The following ENO4 variants were observed in gnomAD, a reference collection of about 807,000 sequenced individuals.
ENO4 encodes the protein 2-phospho-D-glycerate hydro-lyase.
In ENO4, 53 loss-of-function variants were observed where a neutral mutation model predicts 63.2. That is an observed-to-expected ratio of 0.84 (90% CI 0.67 to 1.05). The LOEUF is 1.05. ENO4 is among the 50% of genes least tolerant of loss of function. The pLI is 0.00. For synonymous variants in ENO4, 266 were observed against 283.8 expected (o/e 0.94, Z 0.63); for missense variants, 719 against 772.0 (o/e 0.93, Z 0.81).
intron 10 of ENO4, among the ~76,000 whole-genome samples, chr10:116,903,303 C>T (rs556373685): frequency 2.6e-5 from 4 of 152,272 alleles, no homozygotes; most frequent in South Asian, 2.1e-4. Context: ...GAGGCCGAGG[C>T]AGGCGGATCG....
intron 9 of ENO4, among the ~76,000 whole-genome samples, chr10:116,872,244 T>C (rs933256433): frequency 6.6e-6 from 1 of 152,178 alleles, no homozygotes; most frequent in Non-Finnish European, 1.5e-5. Flanking sequence ...CTCAGGGTAA[T>C]ACAACGGCAA....
At chr10:116,871,973 G>A (rs1846706757) in intron 9 of ENO4, among the ~76,000 whole-genome samples, 2 of 152,196 alleles carry the variant, frequency 1.3e-5, no homozygotes, top group South Asian at 4.1e-4. Context: ...GAGGTGGGTG[G>A]ATCACCTGAG....
chr10:116,867,147 TAG>T (rs1384338662), intron 7 of ENO4, among the ~76,000 whole-genome samples: 4 of 152,118 alleles, frequency 2.6e-5, no homozygotes, highest in East Asian at 3.9e-4. Flanking sequence ...GTTTTAGTAA[TAG>T]AGTGATAGTT....
intron 10 of ENO4, among the ~76,000 whole-genome samples, chr10:116,908,946 A>G (rs1377092374): frequency 1.3e-5 from 2 of 152,182 alleles, no homozygotes; most frequent in African/African-American, 2.4e-5. Flanking sequence ...TACAAGGGCA[A>G]TTGTGGAGGA....
Position 116,881,893 on chromosome 10 carries a change from T to C in ENO4, c.*224T>C, listed in dbSNP as rs567338595. On this transcript the variant is annotated 3_prime_UTR_variant, in exon 14 of 14. Transcript: ENST00000341276. ...CACCACACTTCCATGTGGATTTTGT[T>C]TGTCTATTAGCTCTCCTGTCCATTT... The C allele has an allele frequency of 2.8e-5, 11 of 393,486 alleles. No individual in the cohort carries two copies. Among genetic ancestry groups the C allele is most frequent in the South Asian group, 1.0e-4 (1 of 9,714 alleles). 24.4% of individuals were successfully genotyped at this position (393,486 alleles called of 1,614,324 possible).
At chr10:116,886,613 A>G, downstream of ENO4, 1 of 1,606,664 alleles carries the variant, frequency 6.2e-7, no homozygotes, top group East Asian at 2.2e-5. Context: ...CAGAGAGAGA[A>G]AATAGTTGTC....
chr10:116,893,352 C>T (rs1847399710), intron 10 of ENO4, among the ~76,000 whole-genome samples: 2 of 152,198 alleles, frequency 1.3e-5, no homozygotes, highest in East Asian at 1.9e-4. Flanking sequence ...TTTGTAGCAG[C>T]GCTTTGCTGA....
In ENO4 at chr10:116,853,488, C is replaced by T. The variant is rs188303875; in HGVS notation, c.166-2135C>T. Reference sequence around the variant, plus strand: ...TGTCACTGACATTTATTAATTTATACGAGATTTAATTTATAGAATCCTATA... The same window carrying T: ...TGTCACTGACATTTATTAATTTATATGAGATTTAATTTATAGAATCCTATA... On this transcript the variant is annotated intron_variant, in intron 1 of 13. Coordinates refer to ENST00000341276, the MANE Select transcript of ENO4 (RefSeq NM_001242699.2). Among the ~76,000 whole-genome samples the T allele has an allele frequency of 4.1e-4, 63 of 152,080 alleles. 1 individual carries two copies. Among genetic ancestry groups the T allele is most frequent in the Admixed American group, 3.7e-3 (56 of 15,260 alleles).
At chr10:116,893,597 C>CACACACACACACACACACACACACAT (rs3981216) in intron 10 of ENO4, among the ~76,000 whole-genome samples, 1 of 151,342 alleles carries the variant, frequency 6.6e-6, no homozygotes, top group African/African-American at 2.4e-5. Context: ...CACACACACA[C>CACACACACACACACACACACACACAT]GAGAAAGAAA....
chr10:116,868,780 T>A (rs1846612194), intron 8 of ENO4, 74 bp downstream of exon 8: 5 of 1,352,602 alleles, frequency 3.7e-6, no homozygotes, highest in Non-Finnish European at 5.2e-6. Flanking sequence ...TTATCTTCCA[T>A]AGTCACTTTT....
At chr10:116,855,324 C>A (rs1589748879) in intron 1 of ENO4, among the ~76,000 whole-genome samples, 2 of 152,036 alleles carry the variant, frequency 1.3e-5, no homozygotes, top group African/African-American at 2.4e-5. Flanking sequence ...TGACACAGGG[C>A]CTTTTAATTA....
chr10:116,856,728 A>T (rs1459224039), intron 3 of ENO4, 46 bp downstream of exon 3: 1 of 1,435,344 alleles, frequency 7.0e-7, no homozygotes, highest in Non-Finnish European at 9.2e-7. Flanking sequence ...CAAGCCGGGC[A>T]CAGTGGCTCA....
At chr10:116,877,053 ACACCTGGGTACC>A (rs1167339544) in intron 11 of ENO4, among the ~76,000 whole-genome samples, 1 of 152,116 alleles carries the variant, frequency 6.6e-6, no homozygotes, top group Admixed American at 6.5e-5. Flanking sequence ...GCACTGTGGA[ACACCTGGGTACC>A]CATCTGCACT....
At chr10:116,890,290 A>C (rs1847297824) in intron 10 of ENO4, among the ~76,000 whole-genome samples, 1 of 152,240 alleles carries the variant, frequency 6.6e-6, no homozygotes, top group Admixed American at 6.5e-5. Flanking sequence ...AGTAAAACTT[A>C]AATTTTACAA....
chr10:116,893,681 T>C (rs1174503338), intron 10 of ENO4, among the ~76,000 whole-genome samples: 1 of 151,090 alleles, frequency 6.6e-6, no homozygotes, highest in Non-Finnish European at 1.5e-5. Context: ...CTCCTTTCCA[T>C]CCCAGGACTA....
At chr10:116,893,222 T>C (rs1847394113) in intron 10 of ENO4, among the ~76,000 whole-genome samples, 2 of 152,070 alleles carry the variant, frequency 1.3e-5, no homozygotes, top group South Asian at 2.1e-4. Flanking sequence ...GATAACTCCT[T>C]GGCAGCGGGG....
chr10:116,871,315 T>C (rs1223415903), intron 9 of ENO4, 23 bp downstream of exon 9: 1 of 1,538,142 alleles, frequency 6.5e-7, no homozygotes, highest in Admixed American at 2.0e-5. Flanking sequence ...TTCAGAACAT[T>C]CACTTCCTAT....
chr10:116,903,329 T>C (rs545705884), intron 10 of ENO4, among the ~76,000 whole-genome samples: 122 of 152,110 alleles, frequency 8.0e-4, no homozygotes, highest in African/African-American at 2.6e-3. Context: ...GGTCAGGAGT[T>C]AGAGACCAAC....
At chr10:116,899,574 G>T (rs866373347) in intron 10 of ENO4, among the ~76,000 whole-genome samples, 2 of 149,950 alleles carry the variant, frequency 1.3e-5, no homozygotes, top group Non-Finnish European at 2.9e-5. Context: ...CATATGTTGG[G>T]ACAGTAATGT....
Sources: gnomAD v4.1 joint callset for allele counts (sites outside exome capture counted in the v4.1 genomes callset) on GRCh38, gnomAD v4.1.1 for gene constraint, MANE v1.5 for transcripts, NCBI Gene and HGNC (gene_info 2026-07-23, HGNC 2026-07-21) for gene names.